HSPBAP1: variants seen among roughly 807,000 people sequenced by gnomAD.
HSPBAP1 encodes the protein HSPB1 associated protein 1.
In HSPBAP1, 27 loss-of-function variants were observed where a neutral mutation model predicts 45.2. The ratio of observed to expected loss-of-function variants is 0.60; its 90% CI spans 0.44 to 0.82. The LOEUF (loss-of-function observed/expected upper bound fraction) is 0.82, where lower values mean the gene tolerates loss of function less well. HSPBAP1 is among the 40% of genes least tolerant of loss of function. HSPBAP1 has a pLI of 0.00. For synonymous variants in HSPBAP1, 204 were observed against 202.7 expected (o/e 1.01, Z -0.06); for missense variants, 510 against 590.9 (o/e 0.86, Z 1.42).
intron 3 of HSPBAP1, 104 bp from the exon 4 acceptor site, chr3:122,759,464 T>C: frequency 8.1e-7 from 1 of 1,234,572 alleles, no homozygotes; most frequent in East Asian, 2.4e-5. Flanking sequence ...AGTTGGAATA[T>C]TCTATTATGG....
chr3:122,759,885 C>G (rs748850521), intron 3 of HSPBAP1, among the ~76,000 whole-genome samples: 3 of 152,204 alleles, frequency 2.0e-5, no homozygotes, highest in Non-Finnish European at 4.4e-5. Context: ...TTGTGTACTT[C>G]AATGACCACA....
chr3:122,760,176 C>T (rs903072732), intron 3 of HSPBAP1, among the ~76,000 whole-genome samples: 8 of 152,116 alleles, frequency 5.3e-5, no homozygotes, highest in African/African-American at 1.9e-4. Context: ...AAAGCCTATA[C>T]TTTTAGAAGC....
At chr3:122,793,205 AG>A (rs1935890483) in intron 1 of HSPBAP1, among the ~76,000 whole-genome samples, 1 of 152,196 alleles carries the variant, frequency 6.6e-6, no homozygotes, top group Admixed American at 6.5e-5. Context: ...TTGCTAAACC[AG>A]GGTTCACTGA....
At chr3:122,785,991 G>C (rs1935644105) in intron 1 of HSPBAP1, among the ~76,000 whole-genome samples, 1 of 152,054 alleles carries the variant, frequency 6.6e-6, no homozygotes, top group Admixed American at 6.6e-5. Context: ...CTGAAAAGCA[G>C]ACATGATGAT....
intron 1 of HSPBAP1, among the ~76,000 whole-genome samples, chr3:122,783,209 G>A (rs777858954): frequency 3.3e-5 from 5 of 152,222 alleles, no homozygotes; most frequent in Non-Finnish European, 7.3e-5. Flanking sequence ...ATGTGACCAA[G>A]AATACAATTT....
At chr3:122,773,986 A>G (rs1935099642) in intron 2 of HSPBAP1, among the ~76,000 whole-genome samples, 1 of 152,182 alleles carries the variant, frequency 6.6e-6, no homozygotes, top group Admixed American at 6.5e-5. Context: ...GAGTAGCAAA[A>G]CAGGAACCCT....
intron 5 of HSPBAP1, chr3:122,753,313 A>G (rs1225720117): frequency 2.2e-6 from 1 of 463,986 alleles, no homozygotes; most frequent in African/African-American, 2.1e-5. Flanking sequence ...GAAGATAGCA[A>G]GTAGGTCAGT....
chr3:122,755,671 T>A (rs1422300118), intron 4 of HSPBAP1, among the ~76,000 whole-genome samples: 1 of 150,462 alleles, frequency 6.6e-6, no homozygotes, highest in African/African-American at 2.4e-5. Context: ...AGGACATCCA[T>A]GAGGCAGCCT....
Position 122,740,124 on chromosome 3 carries a change from G to A in HSPBAP1, c.*221C>T. 1 of 315,952 alleles carries A rather than the reference G, an allele frequency of 3.2e-6. No homozygotes were observed. Among genetic ancestry groups the A allele is most frequent in the South Asian group, 8.6e-5 (1 of 11,582 alleles). The allele number at this position is 315,952 out of a possible 1,614,324, so 19.6% of individuals were successfully genotyped here. ...CATTTGACACAGGCTAAAAGTATGGGATGAGAGAGGAACAAAAGCTTACAA... is the reference window on the plus strand; with the variant it reads ...CATTTGACACAGGCTAAAAGTATGGAATGAGAGAGGAACAAAAGCTTACAA... On this transcript the variant is annotated 3_prime_UTR_variant, in exon 8 of 8. Coordinates refer to ENST00000306103, the MANE Select transcript of HSPBAP1 (RefSeq NM_024610.6).
intron 1 of HSPBAP1, among the ~76,000 whole-genome samples, chr3:122,787,556 G>C (rs1486487441): frequency 6.6e-6 from 1 of 152,100 alleles, no homozygotes; most frequent in Non-Finnish European, 1.5e-5. Context: ...GTTGACATAA[G>C]AGTAAGTCAC....
intron 4 of HSPBAP1, 32 bp downstream of exon 4, chr3:122,759,192 C>CAA (rs772447190): frequency 1.5e-4 from 227 of 1,562,262 alleles, no homozygotes; most frequent in African/African-American, 2.7e-4. Context: ...GTTCCACACA[C>CAA]ACACACACAC....
chr3:122,781,511 T>C (rs980011702), intron 1 of HSPBAP1, among the ~76,000 whole-genome samples: 2 of 151,696 alleles, frequency 1.3e-5, no homozygotes, highest in Non-Finnish European at 2.9e-5. Context: ...AGCAGTACAG[T>C]CCAGCTTCGG....
At chr3:122,756,171 G>C (rs145837845) in intron 4 of HSPBAP1, among the ~76,000 whole-genome samples, 153 of 152,204 alleles carry the variant, frequency 1.0e-3, no homozygotes, top group Non-Finnish European at 1.8e-3. Flanking sequence ...TGTCTAGATG[G>C]GGAGGCAAAG....
At position 122,790,535 on chromosome 3, in the gene HSPBAP1, T is replaced by C. The variant is rs140442280; in HGVS notation, c.64+3082A>G. On this transcript the variant is annotated intron_variant, in intron 1 of 7. Transcript: ENST00000306103. ...CATCTGACCTTTAGGATATGTCTTA[T>C]ACTACTGTTCTTTTTATCTATGTCT... 9.2e-5 allele frequency among the ~76,000 whole-genome samples: 14 copies of C among 152,356 alleles called. No individual in the cohort carries two copies. The East Asian group carries it at 2.7e-3, about 29-fold the overall frequency.
chr3:122,783,743 G>C (rs1935565476), intron 1 of HSPBAP1, among the ~76,000 whole-genome samples: 1 of 151,812 alleles, frequency 6.6e-6, no homozygotes, highest in Admixed American at 6.6e-5. Context: ...GTTTAACAAG[G>C]TTTGTTTGTA....
intron 1 of HSPBAP1, among the ~76,000 whole-genome samples, chr3:122,790,889 C>T (rs1334371523): frequency 6.6e-6 from 1 of 152,180 alleles, no homozygotes; most frequent in African/African-American, 2.4e-5. Context: ...CATCATTGTA[C>T]TGAACATACT....
intron 2 of HSPBAP1, among the ~76,000 whole-genome samples, chr3:122,772,261 A>T (rs1191187047): frequency 6.6e-6 from 1 of 152,184 alleles, no homozygotes; most frequent in Non-Finnish European, 1.5e-5. Context: ...TTCATTTGAA[A>T]TCCCAACAGG....
intron 1 of HSPBAP1, among the ~76,000 whole-genome samples, chr3:122,785,186 T>C (rs1935612740): frequency 6.6e-6 from 1 of 152,182 alleles, no homozygotes; most frequent in Non-Finnish European, 1.5e-5. Context: ...ATCATTCACA[T>C]GTGCTCCAGG....
intron 5 of HSPBAP1, chr3:122,754,010 G>A: frequency 3.9e-6 from 2 of 506,408 alleles, no homozygotes; most frequent in Non-Finnish European, 5.1e-6. Flanking sequence ...AAAAGAAATT[G>A]GAACCCTCAT....
Sources: gnomAD v4.1 joint callset for allele counts (sites outside exome capture counted in the v4.1 genomes callset) on GRCh38, gnomAD v4.1.1 for gene constraint, MANE v1.5 for transcripts, NCBI Gene and HGNC (gene_info 2026-07-23, HGNC 2026-07-21) for gene names.